SERPING1: variants seen among roughly 807,000 people sequenced by gnomAD.
SERPING1 encodes the protein serpin family G member 1.
SERPING1 carries 5 observed loss-of-function variants against 34.1 expected under a neutral mutation model. That is an observed-to-expected ratio of 0.15 (90% CI 0.08 to 0.31). SERPING1 has a LOEUF of 0.31. SERPING1 is among the 10% of genes least tolerant of loss of function. The pLI, the probability that SERPING1 is intolerant of heterozygous loss-of-function variation, is 1.00. For synonymous variants in SERPING1, 225 were observed against 242.4 expected, an observed-to-expected ratio of 0.93 and a Z score of 0.67; for missense variants, 505 against 609.5, an observed-to-expected ratio of 0.83 and a Z score of 1.81.
At chr11:57,612,114 G>A (rs527825272) in intron 7 of SERPING1, among the ~76,000 whole-genome samples, 178 bp downstream of exon 7, 1 of 152,210 alleles carries the variant, frequency 6.6e-6, no homozygotes, top group South Asian at 2.1e-4. Flanking sequence ...GGAAATGGAG[G>A]CTCAGAAGCT....
At chr11:57,605,895 C>A in intron 4 of SERPING1, 115 bp from the exon 5 acceptor site, 2 of 1,004,822 alleles carry the variant, frequency 2.0e-6, no homozygotes, top group Non-Finnish European at 1.6e-6. Flanking sequence ...TCCACCATGC[C>A]GTATTCACTA....
chr11:57,602,881 A>G (rs918000569), intron 4 of SERPING1, among the ~76,000 whole-genome samples: 3 of 151,682 alleles, frequency 2.0e-5, no homozygotes, highest in African/African-American at 4.8e-5. Flanking sequence ...TGGGAGGCCA[A>G]GGCCTTCAAG....
intron 1 of SERPING1, chr11:57,597,951 T>C: frequency 2.7e-6 from 1 of 369,482 alleles, no homozygotes; most frequent in Admixed American, 4.0e-5. Context: ...TCTGGCCTCA[T>C]TGTTTGGTTA....
chr11:57,600,015 C>T lies in SERPING1; in HGVS notation c.188C>T (p.Ser63Phe), dbSNP rs757332518. The change falls in exon 3 of 8, where the codon TCC (serine) becomes TTC (phenylalanine). Residue 63 changes from serine (S) to phenylalanine (F), a missense_variant. Transcript: ENST00000278407. Reference sequence around the variant, plus strand: ...TTCGTTGAACCCATCCTGGAGGTTTCCAGCTTGCCGACAACCAACTCAACA... The same window carrying T: ...TTCGTTGAACCCATCCTGGAGGTTTTCAGCTTGCCGACAACCAACTCAACA... ...MLFVEPILEV[S>F]SLPTTNSTTN... The T allele has an allele frequency of 1.7e-5, 27 of 1,614,028 alleles. No individual in the cohort carries two copies. Among genetic ancestry groups the T allele is most frequent in the Non-Finnish European group, 2.2e-5 (26 of 1,180,042 alleles).
intron 4 of SERPING1, 182 bp from the exon 5 acceptor site, chr11:57,605,828 T>TTTACC: frequency 1.5e-6 from 1 of 687,358 alleles, no homozygotes; most frequent in Non-Finnish European, 2.6e-6. Flanking sequence ...TGGTTCTGGG[T>TTTACC]TTACCTTCTT....
chr11:57,598,819 G>A (rs1945315798), intron 2 of SERPING1, among the ~76,000 whole-genome samples: 1 of 152,164 alleles, frequency 6.6e-6, no homozygotes, highest in South Asian at 2.1e-4. Flanking sequence ...CGTGGGTCTG[G>A]GTGGGGGTCA....
intron 7 of SERPING1, among the ~76,000 whole-genome samples, chr11:57,613,031 G>A (rs537924210): frequency 1.3e-5 from 2 of 152,330 alleles, no homozygotes; most frequent in South Asian, 4.1e-4. Flanking sequence ...ACAGGTGTGA[G>A]CCACTGTGCC....
chr11:57,613,465 G>C (rs866374149), intron 7 of SERPING1, among the ~76,000 whole-genome samples: 1 of 152,162 alleles, frequency 6.6e-6, no homozygotes, highest in Non-Finnish European at 1.5e-5. Flanking sequence ...TAGAATAGCT[G>C]ACAAAACTCA....
chr11:57,598,409 T>G lies in SERPING1; in HGVS notation c.51+88T>G, dbSNP rs1488151897. On this transcript the variant is annotated intron_variant, in intron 2 of 7. Transcript: ENST00000278407. ...GCGGGCGGTGGCTGAGGATTAACCC[T>G]TCAGGCTCCGGGGAATGAGGAGAGC... is the stretch of plus-strand genomic sequence containing the variant. 1.1e-5 allele frequency: 15 copies of G among 1,310,676 alleles called. No individual in the cohort carries two copies. In the East Asian group the frequency reaches 3.3e-4, roughly 29 times the overall value. The allele number at this position is 1,310,676 out of a possible 1,614,324, so 81.2% of individuals were successfully genotyped here.
chr11:57,606,460 C>A lies in SERPING1; in HGVS notation c.942C>A (p.His314Gln). ...AGAAAACCAGAATGGAACCCTTTCA[C>A]TTCAAAAACTCAGTTATAAAAGTGC... ...DPKKTRMEPF[H>Q]FKNSVIKVPM... The change falls in exon 6 of 8, where the codon CAC (histidine) becomes CAA (glutamine). Residue 314 changes from histidine (H) to glutamine (Q), a missense_variant. Coordinates refer to ENST00000278407, the MANE Select transcript of SERPING1 (RefSeq NM_000062.3). 6.2e-7 allele frequency: 1 copy of A among 1,614,176 alleles called. No individual in the cohort carries two copies. The highest frequency in any genetic ancestry group is 8.5e-7 in the Non-Finnish European group (1 of 1,180,020).
At chr11:57,609,330 G>T (rs1433962414) in intron 6 of SERPING1, among the ~76,000 whole-genome samples, 1 of 152,130 alleles carries the variant, frequency 6.6e-6, no homozygotes, top group Non-Finnish European at 1.5e-5. Context: ...TGTAATCCCA[G>T]CACTTTGGGA....
chr11:57,614,277 T>C (rs770656057), intron 7 of SERPING1, 51 bp from the exon 8 acceptor site: 1 of 1,606,974 alleles, frequency 6.2e-7, no homozygotes, highest in South Asian at 1.1e-5. Context: ...CTCCATCAGC[T>C]GAGGGTATCA....
chr11:57,606,646 A>G, intron 6 of SERPING1, 99 bp downstream of exon 6: 3 of 1,202,024 alleles, frequency 2.5e-6, no homozygotes, highest in Non-Finnish European at 2.5e-6. Context: ...ATGCTTACAA[A>G]TTCATCACTT....
In SERPING1 at chr11:57,600,077, G is replaced by A. The variant is rs1451992113; in HGVS notation, c.250G>A (p.Asp84Asn). ...CACCAAAATAACAGCTAATACCACT[G>A]ATGAACCCACCACACAACCCACCAC... ...SATKITANTT[D>N]EPTTQPTTEP... is the part of the protein sequence containing the mutation. The change falls in exon 3 of 8, where the codon GAT (aspartate) becomes AAT (asparagine). Residue 84 changes from aspartate (D) to asparagine (N), a missense_variant. By Grantham distance (23) the Asp-to-Asn change is conservative (BLOSUM62 1). Coordinates refer to ENST00000278407, the MANE Select transcript of SERPING1 (RefSeq NM_000062.3). 1 of 1,613,578 alleles carries A rather than the reference G, an allele frequency of 6.2e-7. No individual in the cohort carries two copies. Among genetic ancestry groups the A allele is most frequent in the South Asian group, 1.1e-5 (1 of 91,014 alleles).
intron 6 of SERPING1, 66 bp downstream of exon 6, chr11:57,606,613 G>A (rs1325889718): frequency 6.5e-7 from 1 of 1,534,560 alleles, no homozygotes; most frequent in Non-Finnish European, 9.0e-7. Flanking sequence ...TTTTTCTGCT[G>A]TAGTCCCATC....
chr11:57,606,560 C>A lies in SERPING1; in HGVS notation c.1029+13C>A. On this transcript the variant is annotated intron_variant, in intron 6 of 7. Coordinates refer to ENST00000278407, the MANE Select transcript of SERPING1 (RefSeq NM_000062.3). ...TTTGAAAGCCAAGGTAAGTTCTTAA[C>A]CTTTCCTTCTCCTGTTTGAAACCTA... 6.2e-7 allele frequency: 1 copy of A among 1,613,868 alleles called. No homozygotes were observed. The highest frequency in any genetic ancestry group is 8.5e-7 in the Non-Finnish European group (1 of 1,179,984).
intron 1 of SERPING1, chr11:57,598,016 G>A (rs979921873): frequency 9.0e-6 from 5 of 557,036 alleles, no homozygotes; most frequent in African/African-American, 7.6e-5. Context: ...CAGATGGACA[G>A]AGACCCGGGC....
At chr11:57,598,916 G>A (rs1015910128) in intron 2 of SERPING1, among the ~76,000 whole-genome samples, 1 of 140,370 alleles carries the variant, frequency 7.1e-6, no homozygotes, top group South Asian at 2.4e-4. Flanking sequence ...AAGGTAGGTA[G>A]GGGTGTGTGT....
At chr11:57,602,777 C>CAAAAAAAAAAAAA (rs1302503923) in intron 4 of SERPING1, among the ~76,000 whole-genome samples, 1 of 85,568 alleles carries the variant, frequency 1.2e-5, no homozygotes. Flanking sequence ...AAAAACAAAA[C>CAAAAAAAAAAAAA]AAAAACAAAA....
Sources: allele counts gnomAD v4.1 joint callset (sites outside exome capture counted in the v4.1 genomes callset), GRCh38; gene constraint gnomAD v4.1.1; transcripts MANE v1.5; gene names NCBI Gene and HGNC (gene_info 2026-07-23, HGNC 2026-07-21).